CNTN4: variants seen among roughly 807,000 people sequenced by gnomAD.
The protein encoded by CNTN4 is contactin-4.
In CNTN4, 77 loss-of-function variants were observed where a neutral mutation model predicts 122.5. The observed-to-expected ratio is 0.63, with a 90% confidence interval of 0.52 to 0.76. The LOEUF (loss-of-function observed/expected upper bound fraction) is 0.76, where lower values mean the gene tolerates loss of function less well. CNTN4 is among the 30% of genes least tolerant of loss of function. CNTN4 has a pLI of 0.00. For missense variants in CNTN4, 1,256 were observed against 1,259.1 expected (o/e 1.00, Z 0.04); for synonymous variants, 512 against 447.0 (o/e 1.15, Z -1.83).
intron 2 of CNTN4, among the ~76,000 whole-genome samples, chr3:2,197,429 G>A (rs563822488): frequency 6.6e-6 from 1 of 152,326 alleles, no homozygotes; most frequent in South Asian, 2.1e-4. Context: ...AATTTATTGA[G>A]TACATATCAT....
chr3:2,104,768 A>C (rs1348235114), intron 2 of CNTN4, among the ~76,000 whole-genome samples: 1 of 152,172 alleles, frequency 6.6e-6, no homozygotes, highest in African/African-American at 2.4e-5. Context: ...AGGTTTGGTA[A>C]ATAACTAGCC....
At chr3:2,216,849 C>G (rs900216082) in intron 2 of CNTN4, among the ~76,000 whole-genome samples, 1 of 152,138 alleles carries the variant, frequency 6.6e-6, no homozygotes, top group Non-Finnish European at 1.5e-5. Flanking sequence ...GTCTTATCAA[C>G]TTTTCTTGAA....
chr3:2,183,650 C>G (rs1182427994), intron 2 of CNTN4, among the ~76,000 whole-genome samples: 1 of 152,134 alleles, frequency 6.6e-6, no homozygotes, highest in African/African-American at 2.4e-5. Flanking sequence ...CTTGCCAACA[C>G]TGACCTCAAA....
At position 2,627,788 on chromosome 3, in the gene CNTN4, T is replaced by G. The variant is rs112483132; in HGVS notation, c.55+56230T>G. On this transcript the variant is annotated intron_variant, in intron 4 of 24. Transcript: ENST00000418658. ...GATTACAGGCGTGAGCCACCGTGCC[T>G]GGCCAACTGTCATTTTTCCCCACAA... Among the ~76,000 whole-genome samples the G allele has an allele frequency of 4.1e-3, 619 of 152,290 alleles. 1 individual carries two copies. Among genetic ancestry groups the G allele is most frequent in the Non-Finnish European group, 6.5e-3 (441 of 68,028 alleles).
chr3:2,740,219 C>T (rs2149515982), intron 5 of CNTN4, among the ~76,000 whole-genome samples: 1 of 152,138 alleles, frequency 6.6e-6, no homozygotes, highest in Admixed American at 6.5e-5. Context: ...AATTAGTTGG[C>T]CATGGGGGTG....
chr3:2,224,744 C>A (rs900205860), intron 2 of CNTN4, among the ~76,000 whole-genome samples: 1 of 152,194 alleles, frequency 6.6e-6, no homozygotes, highest in Non-Finnish European at 1.5e-5. Flanking sequence ...AAAGTACATC[C>A]TGTCAGCTCA....
intron 8 of CNTN4, among the ~76,000 whole-genome samples, chr3:2,874,757 A>G (rs941012750): frequency 2.0e-5 from 3 of 152,206 alleles, no homozygotes; most frequent in African/African-American, 7.2e-5. Flanking sequence ...GAATCAACCC[A>G]AACTTCCATG....
chr3:2,234,370 C>CAAAAAAAAAAA lies in CNTN4; in HGVS notation c.-144-104797_-144-104787dup, dbSNP rs72401999. ...TCCAGCCGGGGCAACAAGTCCATCT[C>CAAAAAAAAAAA]AAAAAAAAAAAAAAAAAAAAAGAGG... On this transcript the variant is annotated intron_variant, in intron 2 of 24. Coordinates refer to ENST00000418658, the MANE Select transcript of CNTN4 (RefSeq NM_175607.3). Among the ~76,000 whole-genome samples, 63 of 94,710 alleles carry CAAAAAAAAAAA rather than the reference C, an allele frequency of 6.7e-4. 2 individuals are homozygous for CAAAAAAAAAAA. The highest frequency in any genetic ancestry group is 2.1e-3 in the African/African-American group (56 of 26,568). 62.1% of individuals were successfully genotyped at this position (94,710 alleles called of 152,430 possible).
intron 4 of CNTN4, among the ~76,000 whole-genome samples, chr3:2,692,927 A>T (rs2085821069): frequency 6.6e-6 from 1 of 152,172 alleles, no homozygotes; most frequent in African/African-American, 2.4e-5. Flanking sequence ...AATTTTTATC[A>T]AATTTTTTTC....
chr3:2,393,820 T>A (rs995804936), intron 3 of CNTN4, among the ~76,000 whole-genome samples: 2 of 151,972 alleles, frequency 1.3e-5, no homozygotes, highest in African/African-American at 4.8e-5. Context: ...CAGTATGAAC[T>A]GAGATAACCT....
At chr3:2,111,345 G>C (rs1272228868) in intron 2 of CNTN4, among the ~76,000 whole-genome samples, 1 of 152,102 alleles carries the variant, frequency 6.6e-6, no homozygotes, top group African/African-American at 2.4e-5. Context: ...TTAAACATTA[G>C]TATTTTCAGA....
chr3:2,855,166 C>G (rs1272356854), intron 7 of CNTN4, among the ~76,000 whole-genome samples: 2 of 152,180 alleles, frequency 1.3e-5, no homozygotes, highest in Non-Finnish European at 2.9e-5. Flanking sequence ...TGATCCCTAC[C>G]ACAGTCCCCC....
chr3:2,836,918 TAAA>T (rs532596009), intron 7 of CNTN4, among the ~76,000 whole-genome samples: 153 of 152,076 alleles, frequency 1.0e-3, no homozygotes, highest in Middle Eastern at 3.4e-3. Flanking sequence ...AGTATAATAA[TAAA>T]AAAGATACTT....
chr3:2,907,680 T>C (rs1235021883), intron 12 of CNTN4, among the ~76,000 whole-genome samples: 1 of 152,172 alleles, frequency 6.6e-6, no homozygotes, highest in Non-Finnish European at 1.5e-5. Flanking sequence ...ATAGAGGAGA[T>C]TCCTTTTAAT....
chr3:2,249,591 A>G (rs531745708), intron 2 of CNTN4, among the ~76,000 whole-genome samples: 2 of 152,068 alleles, frequency 1.3e-5, no homozygotes, highest in East Asian at 3.9e-4. Flanking sequence ...TACAGGAAGC[A>G]CAAAGAGAGA....
chr3:2,172,513 C>T (rs1047997940), intron 2 of CNTN4, among the ~76,000 whole-genome samples: 6 of 152,098 alleles, frequency 3.9e-5, no homozygotes, highest in East Asian at 3.9e-4. Context: ...GACTTATCCA[C>T]GTAACCAAAA....
chr3:2,202,753 G>T (rs2038156616), intron 2 of CNTN4, among the ~76,000 whole-genome samples: 1 of 152,046 alleles, frequency 6.6e-6, no homozygotes, highest in African/African-American at 2.4e-5. Context: ...TGACCCCCAA[G>T]ATATTGCTGT....
chr3:2,763,213 G>A (rs1207857884), intron 6 of CNTN4, among the ~76,000 whole-genome samples: 1 of 152,140 alleles, frequency 6.6e-6, no homozygotes, highest in Non-Finnish European at 1.5e-5. Flanking sequence ...CCAAAGTGCT[G>A]GGATTACAGG....
intron 3 of CNTN4, among the ~76,000 whole-genome samples, chr3:2,359,939 A>G (rs1463403792): frequency 2.6e-5 from 4 of 152,184 alleles, no homozygotes; most frequent in Non-Finnish European, 5.9e-5. Context: ...GTTAAGCACA[A>G]CCTTGTTTCA....
Sources: gnomAD v4.1 joint callset for allele counts (sites outside exome capture counted in the v4.1 genomes callset) on GRCh38, gnomAD v4.1.1 for gene constraint, MANE v1.5 for transcripts, NCBI Gene and HGNC (gene_info 2026-07-23, HGNC 2026-07-21) for gene names.